The following NCAPD2 variants were observed in gnomAD, a reference collection of about 807,000 sequenced individuals.
NCAPD2 encodes condensin complex subunit 1.
NCAPD2 carries 100 observed loss-of-function variants against 164.5 expected under a neutral mutation model. The observed-to-expected ratio is 0.61, with a 90% CI of 0.52 to 0.72. The LOEUF (loss-of-function observed/expected upper bound fraction) is 0.72, where lower values mean the gene tolerates loss of function less well. NCAPD2 is among the 30% of genes least tolerant of loss of function. The pLI, the probability that NCAPD2 is intolerant of heterozygous loss-of-function variation, is 0.00. For missense variants in NCAPD2, 1,560 were observed against 1,749.2 expected (o/e 0.89, Z 1.93); for synonymous variants, 585 against 642.6 (o/e 0.91, Z 1.36).
intron 21 of NCAPD2, 35 bp from the exon 22 acceptor site, chr12:6,526,856 C>A: frequency 6.3e-7 from 1 of 1,575,344 alleles, no homozygotes; most frequent in Admixed American, 1.8e-5. Context: ...TTAAAAATGT[C>A]TCTTTGCCCC....
At chr12:6,521,752 T>C (rs1045856092) in intron 14 of NCAPD2, 46 bp from the exon 15 acceptor site, 2 of 1,599,956 alleles carry the variant, frequency 1.3e-6, no homozygotes, top group African/African-American at 2.7e-5. Flanking sequence ...TGGATTCCCC[T>C]GTATCCCCTT....
At chr12:6,504,209 A>G (rs1289667730) in intron 2 of NCAPD2, among the ~76,000 whole-genome samples, 2 of 22,624 alleles carry the variant, frequency 8.8e-5, no homozygotes, top group South Asian at 8.8e-4. Context: ...ATATATATAT[A>G]TATATATAGA....
chr12:6,514,867 C>G lies in NCAPD2; in HGVS notation c.934C>G (p.Pro312Ala), dbSNP rs754028921. ...AFLTELAERVPAILMSSMCIL... is the reference protein window; with the variant it reads ...AFLTELAERVAAILMSSMCIL... ...CCTGACAGAACTAGCAGAACGTGTC[C>G]CAGCTATCCTGATGTCCAGCATGTG... is the stretch of plus-strand genomic sequence containing the variant. The change falls in exon 9 of 32, where the codon CCA becomes GCA. Residue 312 changes from proline (P) to alanine (A), a missense_variant. Pro to Ala is a conservative substitution (Grantham distance 27). Transcript: ENST00000315579. 1 of 1,614,158 alleles carries G rather than the reference C, an allele frequency of 6.2e-7. No homozygotes were observed. The highest frequency in any genetic ancestry group is 8.5e-7 in the Non-Finnish European group (1 of 1,180,034).
intron 6 of NCAPD2, among the ~76,000 whole-genome samples, chr12:6,513,181 A>G (rs745940265): frequency 1.0e-3 from 157 of 151,972 alleles, no homozygotes; most frequent in Admixed American, 2.1e-3. Context: ...GAATGAAATT[A>G]CCAAATCAGT....
At chr12:6,500,304 T>C (rs1946022909) in intron 2 of NCAPD2, among the ~76,000 whole-genome samples, 1 of 152,118 alleles carries the variant, frequency 6.6e-6, no homozygotes, top group Non-Finnish European at 1.5e-5. Flanking sequence ...TAGTAGGACC[T>C]GTCATTTCAT....
chr12:6,495,090 A>G lies in NCAPD2; in HGVS notation c.-9A>G, dbSNP rs375473393. On this transcript the variant is annotated 5_prime_UTR_variant, in exon 2 of 32. Transcript: ENST00000315579. Reference sequence around the variant, plus strand: ...TTGGTTTCTAGCCCTGTGAGCCTGTAGGAGTAGAATGGCTCCCCAAATGTA... The same window carrying G: ...TTGGTTTCTAGCCCTGTGAGCCTGTGGGAGTAGAATGGCTCCCCAAATGTA... The G allele has an allele frequency of 8.4e-5, 136 of 1,613,950 alleles. No individual in the cohort carries two copies. The highest frequency in any genetic ancestry group is 1.1e-4 in the Non-Finnish European group (133 of 1,179,964).
At chr12:6,495,773 G>C (rs902287008) in intron 2 of NCAPD2, among the ~76,000 whole-genome samples, 1 of 152,054 alleles carries the variant, frequency 6.6e-6, no homozygotes, top group Non-Finnish European at 1.5e-5. Flanking sequence ...TGTTGGGAGC[G>C]GTCTTGTAGC....
At chr12:6,501,134 C>G (rs10849472) in intron 2 of NCAPD2, among the ~76,000 whole-genome samples, 23,256 of 147,736 alleles carry the variant, frequency 0.16, 2,102 homozygotes, top group East Asian at 0.31. Context: ...GATCTTGGCT[C>G]GCTGCAACCT....
At position 6,526,149 on chromosome 12, in the gene NCAPD2, G is replaced by T. The variant is rs560070593; in HGVS notation, c.2430G>T (p.Arg810Ser). ...ATGAGAAGTTTCCACAGGACTACAGGCTGGCCCAGCAGGTGTGCCATGCCA... is the reference window on the plus strand; with the variant it reads ...ATGAGAAGTTTCCACAGGACTACAGTCTGGCCCAGCAGGTGTGCCATGCCA... ...GLDEKFPQDY[R>S]LAQQVCHAIA... Residue 810 changes from arginine to serine, a missense_variant, in exon 19 of 32, where the codon AGG becomes AGT. Physicochemically the swap from Arg to Ser is moderately radical, Grantham distance 110. Coordinates refer to ENST00000315579, the MANE Select transcript of NCAPD2 (RefSeq NM_014865.4). 5.0e-6 allele frequency: 8 copies of T among 1,614,182 alleles called. No individual in the cohort carries two copies. The East Asian group carries it at 1.3e-4, about 27-fold the overall frequency.
At chr12:6,516,232 G>A (rs539024889) in intron 9 of NCAPD2, among the ~76,000 whole-genome samples, 22 of 150,772 alleles carry the variant, frequency 1.5e-4, no homozygotes, top group Non-Finnish European at 2.4e-4. Flanking sequence ...AGACGGGCGC[G>A]GTGGCTCACG....
At position 6,504,224 on chromosome 12, in the gene NCAPD2, G is replaced by GTATGTATATATATATGTGT. The variant is rs1565539629; in HGVS notation, c.128-5493_128-5492insTATGTATATATATATGTGT. 8.6e-3 allele frequency among the ~76,000 whole-genome samples: 283 copies of GTATGTATATATATATGTGT among 32,734 alleles called. 6 individuals are homozygous for GTATGTATATATATATGTGT. Among genetic ancestry groups the GTATGTATATATATATGTGT allele is most frequent in the African/African-American group, 0.033 (257 of 7,836 alleles). 21.5% of individuals were successfully genotyped at this position (32,734 alleles called of 152,430 possible). A position where few individuals can be genotyped will look rare whatever the true frequency, so the allele number is the denominator to read the frequency against. On this transcript the variant is annotated intron_variant, in intron 2 of 31. Coordinates refer to ENST00000315579, the MANE Select transcript of NCAPD2 (RefSeq NM_014865.4). ...ATATATATATATATATATAGATATA[G>GTATGTATATATATATGTGT]ATATATATATATATATATACCATTG...
At chr12:6,501,805 A>C (rs555938214) in intron 2 of NCAPD2, among the ~76,000 whole-genome samples, 1 of 152,328 alleles carries the variant, frequency 6.6e-6, no homozygotes, top group East Asian at 1.9e-4. Context: ...TGGGGCAGAA[A>C]GCGAATGAAG....
In NCAPD2 at chr12:6,518,504, GTTTTT is replaced by G. The variant is rs56183938; in HGVS notation, c.1589+571_1589+575del. 5.8e-4 allele frequency among the ~76,000 whole-genome samples: 26 copies of G among 44,768 alleles called. 1 individual carries two copies. The highest frequency in any genetic ancestry group is 1.7e-3 in the Admixed American group (5 of 3,022). 29.4% of individuals were successfully genotyped at this position (44,768 alleles called of 152,430 possible). A position where few individuals can be genotyped will look rare whatever the true frequency, so the allele number is the denominator to read the frequency against. On this transcript the variant is annotated intron_variant, in intron 13 of 31. Transcript: ENST00000315579. ...CAAAAGCCCTTACAGCCGTCAACAA[GTTTTT>G]TTTTTTTTTTTTTTTTTTTTTTTTT...
In NCAPD2 at chr12:6,530,947, A is replaced by G; in HGVS notation, c.3991A>G (p.Thr1331Ala). ...TTCTAGGTACCAGCCTCTGGCTTCT[A>G]CAGCCTCAGACAATGACTTTGTCAC... ...TGSRYQPLAS[T>A]ASDNDFVTPE... Residue 1331 changes from threonine to alanine, a missense_variant, in exon 31 of 32, where the codon ACA becomes GCA. Coordinates refer to ENST00000315579, the MANE Select transcript of NCAPD2 (RefSeq NM_014865.4). 6.2e-7 allele frequency: 1 copy of G among 1,614,086 alleles called. No homozygotes were observed. Among genetic ancestry groups the G allele is most frequent in the Non-Finnish European group, 8.5e-7 (1 of 1,180,014 alleles).
chr12:6,509,744 G>T lies in NCAPD2; in HGVS notation c.155G>T (p.Gly52Val). ...RAFQAAFRAQ[G>V]PLAMLQHFDT... The stretch of plus-strand genomic sequence containing the variant: ...TTTCAGGCTGCCTTTCGAGCTCAGG[G>T]GCCCCTGGCTATGCTGCAGCACTTT... Residue 52 changes from glycine (G) to valine (V), a missense_variant, in exon 3 of 32, where the codon GGG becomes GTG. Transcript: ENST00000315579. 1 of 1,613,856 alleles carries T rather than the reference G, an allele frequency of 6.2e-7. No individual in the cohort carries two copies. The highest frequency in any genetic ancestry group is 8.5e-7 in the Non-Finnish European group (1 of 1,179,968).
At chr12:6,514,676 A>G (rs1386393074) in intron 8 of NCAPD2, 89 bp downstream of exon 8, 1 of 1,606,760 alleles carries the variant, frequency 6.2e-7, no homozygotes, top group Non-Finnish European at 8.5e-7. Context: ...GTGCAACAGT[A>G]GATTCCTTCA....
intron 14 of NCAPD2, 81 bp from the exon 15 acceptor site, chr12:6,521,717 A>G: frequency 6.7e-7 from 1 of 1,491,468 alleles, no homozygotes; most frequent in Non-Finnish European, 9.1e-7. Flanking sequence ...TAAATAAGTA[A>G]ATATCCAGGA....
In NCAPD2 at chr12:6,528,818, G is replaced by T. The variant is rs966285425; in HGVS notation, c.3439G>T (p.Ala1147Ser). Residue 1147 changes from alanine to serine, a missense_variant, in exon 26 of 32, where the codon GCC (alanine) becomes TCC (serine). Physicochemically the swap from Ala to Ser is moderately conservative, Grantham distance 99. Transcript: ENST00000315579. This position sits in a 1 kb window ranked among gnomAD's most constrained non-coding sequence, Gnocchi z 5.1. The stretch of plus-strand genomic sequence containing the variant: ...CATCGACCCCGAGCCTCAGATTGCT[G>T]CCCTGGCCAAGAACTTCTTCAATGA... ...LLIDPEPQIA[A>S]LAKNFFNELS... The T allele has an allele frequency of 6.2e-7, 1 of 1,613,916 alleles. No individual in the cohort carries two copies. The highest frequency in any genetic ancestry group is 1.7e-5 in the Admixed American group (1 of 59,998).
intron 9 of NCAPD2, among the ~76,000 whole-genome samples, 191 bp from the exon 10 acceptor site, chr12:6,516,637 G>A (rs1476593014): frequency 6.6e-6 from 1 of 152,200 alleles, no homozygotes; most frequent in East Asian, 1.9e-4. Context: ...TCCTGTGTGA[G>A]CCCTATGAGG....
Sources: gnomAD v4.1 joint callset for allele counts (sites outside exome capture counted in the v4.1 genomes callset) on GRCh38, gnomAD v4.1.1 for gene constraint, Gnocchi (gnomAD v3.1) non-coding constraint, MANE v1.5 for transcripts, NCBI Gene and HGNC (gene_info 2026-07-23, HGNC 2026-07-21) for gene names.